The following KANK3 variants were observed in gnomAD, a reference collection of about 807,000 sequenced individuals.
KANK3 encodes the protein KN motif and ankyrin repeat domain-containing protein 3.
KANK3 carries 61 observed loss-of-function variants against 65.4 expected under a neutral mutation model. That is an observed-to-expected ratio of 0.93 (90% CI 0.76 to 1.15). The LOEUF (loss-of-function observed/expected upper bound fraction) is 1.15, where lower values mean the gene tolerates loss of function less well. Ranked by LOEUF, KANK3 falls within the 50% of genes most tolerant of loss-of-function variation. KANK3 has a pLI of 0.00. For synonymous variants in KANK3, 586 were observed against 543.3 expected, an observed-to-expected ratio of 1.08 and a Z score of -1.09; for missense variants, 1,187 against 1,178.8, an observed-to-expected ratio of 1.01 and a Z score of -0.10.
At chr19:8,324,299 A>G in intron 10 of KANK3, 150 bp downstream of exon 10, 1 of 685,392 alleles carries the variant, frequency 1.5e-6, no homozygotes, top group Non-Finnish European at 2.5e-6. Flanking sequence ...CCAAAAAAGA[A>G]AAGCAGCCAC....
intron 7 of KANK3, among the ~76,000 whole-genome samples, 200 bp from the exon 8 acceptor site, chr19:8,325,296 CTTTTTTTTTTTTTTT>C (rs573315741): frequency 2.5e-5 from 2 of 78,604 alleles, no homozygotes; most frequent in Non-Finnish European, 2.3e-5. Context: ...CCTGTTTCAT[CTTTTTTTTTTTTTTT>C]TTTTTTTTTT....
intron 7 of KANK3, 29 bp downstream of exon 7, chr19:8,332,985 T>TGGGGGGGG: frequency 6.8e-6 from 4 of 585,692 alleles, no homozygotes; most frequent in Non-Finnish European, 1.3e-5. Context: ...CATTTCCTGG[T>TGGGGGGGG]GTCCCACCCA....
In KANK3 at chr19:8,334,482, G is replaced by T; in HGVS notation, c.1327+18C>A. 1 of 1,607,694 alleles carries T rather than the reference G, an allele frequency of 6.2e-7. No homozygotes were observed. The highest frequency in any genetic ancestry group is 8.5e-7 in the Non-Finnish European group (1 of 1,179,748). On this transcript the variant is annotated intron_variant, in intron 3 of 10. Transcript: ENST00000330915. Reference sequence around the variant, plus strand: ...GGCGCCGAGTAAGCCAGGGCCCAGCGACGGGGTCGGGACTCACCCGCGGGC... The same window carrying T: ...GGCGCCGAGTAAGCCAGGGCCCAGCTACGGGGTCGGGACTCACCCGCGGGC...
In KANK3 at chr19:8,326,197, G is replaced by A. The variant is rs143952549; in HGVS notation, c.1937-1101C>T. ...TGTAATCCCAGCACTTTGAGAGGCC[G>A]AGGTGGTTGATCACTTGAGGTCAGG... is the stretch of plus-strand genomic sequence containing the variant. On this transcript the variant is annotated intron_variant, in intron 7 of 10. Coordinates refer to ENST00000330915, the MANE Select transcript of KANK3 (RefSeq NM_198471.3). Among the ~76,000 whole-genome samples the A allele has an allele frequency of 5.7e-4, 87 of 152,118 alleles. 1 individual carries two copies. Among genetic ancestry groups the A allele is most frequent in the African/African-American group, 2.0e-3 (84 of 41,534 alleles).
chr19:8,330,716 G>A (rs142679441), intron 7 of KANK3, among the ~76,000 whole-genome samples: 272 of 134,846 alleles, frequency 2.0e-3, no homozygotes, highest in Non-Finnish European at 3.1e-3. Context: ...CAAAAAGGGC[G>A]AAACTCCATC....
intron 2 of KANK3, among the ~76,000 whole-genome samples, chr19:8,337,464 G>C (rs1230781780): frequency 6.6e-6 from 1 of 152,056 alleles, no homozygotes; most frequent in African/African-American, 2.4e-5. Flanking sequence ...GCCTCCCAAA[G>C]TGCTGGGATT....
chr19:8,332,752 G>C (rs1199246434), intron 7 of KANK3: 1 of 175,660 alleles, frequency 5.7e-6, no homozygotes, highest in East Asian at 1.5e-4. Context: ...GGGAGGCGGA[G>C]GTTGCAGTGA....
chr19:8,328,778 G>A (rs987137619), intron 7 of KANK3, among the ~76,000 whole-genome samples: 1 of 152,042 alleles, frequency 6.6e-6, no homozygotes, highest in Admixed American at 6.6e-5. Context: ...TCAAGGTCTG[G>A]GGCTGATGTT....
intron 1 of KANK3, among the ~76,000 whole-genome samples, chr19:8,338,768 G>T (rs552289814): frequency 1.8e-4 from 27 of 151,414 alleles, no homozygotes; most frequent in Middle Eastern, 3.4e-3. Context: ...CCAGCTACTC[G>T]GGAGGCTGAG....
intron 7 of KANK3, among the ~76,000 whole-genome samples, chr19:8,331,333 T>C (rs548199235): frequency 6.6e-6 from 1 of 152,224 alleles, no homozygotes; most frequent in African/African-American, 2.4e-5. Context: ...AGGCATGAGA[T>C]GCCCAAAAAA....
chr19:8,334,523 C>T lies in KANK3; in HGVS notation c.1304G>A (p.Gly435Glu). Residue 435 changes from glycine (G) to glutamate (E), a missense_variant, in exon 3 of 11, where the codon GGA (glycine) becomes GAA (glutamate). This residue lies in a region of KANK3 where 1,078 missense variants were observed against 1,038.2 expected (regional missense o/e 1.04). Transcript: ENST00000330915. ...TQESSPGSMD[G>E]DRAVAPAGIL... The stretch of plus-strand genomic sequence containing the variant: ...ACCCGCGGGCGCCACGGCCCTGTCT[C>T]CGTCCATGGATCCGGGCGAGCTCTC... 1.9e-6 allele frequency: 3 copies of T among 1,604,088 alleles called. No homozygotes were observed. Among genetic ancestry groups the T allele is most frequent in the South Asian group, 1.1e-5 (1 of 90,914 alleles).
intron 1 of KANK3, among the ~76,000 whole-genome samples, chr19:8,341,256 C>T (rs904907176): frequency 3.4e-5 from 5 of 147,762 alleles, no homozygotes; most frequent in Admixed American, 6.8e-5. Context: ...GGCAATGTCT[C>T]GCTCACTCTG....
chr19:8,335,198 A>G lies in KANK3; in HGVS notation c.629T>C (p.Leu210Pro). 2 of 1,215,564 alleles carry G rather than the reference A, an allele frequency of 1.6e-6. No homozygotes were observed. The highest frequency in any genetic ancestry group is 2.0e-6 in the Non-Finnish European group (2 of 978,036). The allele number at this position is 1,215,564 out of a possible 1,614,324, so 75.3% of individuals were successfully genotyped here. The part of the protein sequence containing the change: ...LEDQARTLPE[L>P]QEQVRALRAE... The stretch of plus-strand genomic sequence containing the variant: ...GCGCAGCGCGCGCACCTGCTCCTGC[A>G]GCTCGGGCAGCGTTCGCGCCTGGTC... The change falls in exon 3 of 11, where the codon CTG (leucine) becomes CCG (proline). Residue 210 changes from leucine (L) to proline (P), a missense_variant. By Grantham distance (98) the Leu-to-Pro change is moderately conservative (BLOSUM62 -3). Transcript: ENST00000330915.
At chr19:8,332,987 T>TTGGGGGCCC in intron 7 of KANK3, 27 bp downstream of exon 7, 2 of 395,196 alleles carry the variant, frequency 5.1e-6, no homozygotes, top group Non-Finnish European at 9.5e-6. Context: ...TTTCCTGGTG[T>TTGGGGGCCC]CCCACCCACC....
intron 7 of KANK3, 39 bp downstream of exon 7, chr19:8,332,975 C>CCA: frequency 1.0e-6 from 1 of 956,852 alleles, no homozygotes; most frequent in South Asian, 1.4e-5. Context: ...TCCCCCCACC[C>CCA]ATTTCCTGGT....
chr19:8,332,765 C>G (rs1480739284), intron 7 of KANK3: 1 of 183,904 alleles, frequency 5.4e-6, no homozygotes, highest in Non-Finnish European at 1.1e-5. Context: ...TGCAGTGAGC[C>G]GAGATCGCGC....
intron 7 of KANK3, among the ~76,000 whole-genome samples, chr19:8,327,216 G>C (rs1418604025): frequency 6.6e-6 from 1 of 152,160 alleles, no homozygotes; most frequent in Non-Finnish European, 1.5e-5. Context: ...CAGCAAAAAT[G>C]GAGGCCAGGC....
rs1400356339 is a variant in KANK3 at position 8,324,479 on chromosome 19, G to T, written c.2352C>A (p.Ala784=). ...TGTCGGGCTGGCCCGAGCTCAGGTG[G>T]GCATGTAGCAGAGCGGCCACCTCAT... ...EQDEVAALLH[A]HLSSGQPDTQ... is the part of the protein sequence containing the mutation. The change falls in exon 10 of 11, where the codon GCC becomes GCA. Residue 784 remains alanine (A), a synonymous_variant. Coordinates refer to ENST00000330915, the MANE Select transcript of KANK3 (RefSeq NM_198471.3). 1 of 1,611,030 alleles carries T rather than the reference G, an allele frequency of 6.2e-7. No individual in the cohort carries two copies.
chr19:8,334,656 C>T lies in KANK3; in HGVS notation c.1171G>A (p.Ala391Thr). Residue 391 changes from alanine to threonine, a missense_variant, in exon 3 of 11, where the codon GCG (alanine) becomes ACG (threonine). Ala to Thr is a moderately conservative substitution (Grantham distance 58, BLOSUM62 0). Around this residue, in one of 3 missense-constraint regions of KANK3, gnomAD observed 1,078 missense variants for 1,038.2 expected, o/e 1.04. Transcript: ENST00000330915. ...TCGCGTAGCTGGGCCCGGGCCCCCG[C>T]CGCTGCCTCCTCCGCAGCCTCGCGG... is the stretch of plus-strand genomic sequence containing the variant. ...EAREAAEEAA[A>T]GARAQLREAT... 1 of 1,540,950 alleles carries T rather than the reference C, an allele frequency of 6.5e-7. No homozygotes were observed. The highest frequency in any genetic ancestry group is 8.7e-7 in the Non-Finnish European group (1 of 1,150,408).
Sources: allele counts gnomAD v4.1 joint callset (sites outside exome capture counted in the v4.1 genomes callset), GRCh38; gene constraint gnomAD v4.1.1; regional missense constraint gnomAD v4.1.1; transcripts MANE v1.5; gene names NCBI Gene and HGNC (gene_info 2026-07-23, HGNC 2026-07-21).